The following ANKRD45 variants were observed in gnomAD, a reference collection of about 807,000 sequenced individuals.
ANKRD45 encodes ankyrin repeat domain 45.
ANKRD45 carries 21 observed loss-of-function variants against 28.1 expected under a neutral mutation model. That is an observed-to-expected ratio of 0.75 (90% CI 0.53 to 1.08). ANKRD45 has a LOEUF of 1.08. ANKRD45 is among the 50% of genes least tolerant of loss of function. The probability of loss-of-function intolerance (pLI) is 0.00; values close to 1 mark genes in which losing one functional copy is unlikely to be tolerated. For synonymous variants in ANKRD45, 86 were observed against 103.9 expected (o/e 0.83, Z 1.05); for missense variants, 261 against 308.7 (o/e 0.85, Z 1.16).
upstream of ANKRD45, among the ~76,000 whole-genome samples, chr1:173,674,541 T>C (rs1670349192): frequency 6.6e-6 from 1 of 152,176 alleles, no homozygotes; most frequent in Non-Finnish European, 1.5e-5. Context: ...TTTGGTTTTA[T>C]ACGTTTTAAG....
the ANKRD45 span, among the ~76,000 whole-genome samples, chr1:173,703,786 T>C: frequency 6.6e-6 from 1 of 152,238 alleles, no homozygotes; most frequent in Non-Finnish European, 1.5e-5. Flanking sequence ...CTCAAGCTTT[T>C]TCCCACTCTT....
At chr1:173,636,260 T>C (rs528038015) in intron 3 of ANKRD45, among the ~76,000 whole-genome samples, 7 of 152,166 alleles carry the variant, frequency 4.6e-5, no homozygotes, top group South Asian at 4.1e-4. Context: ...GTACAAAAGG[T>C]GTCATGTAAT....
chr1:173,658,960 C>A, intron 2 of ANKRD45, 131 bp downstream of exon 2: 4 of 1,253,670 alleles, frequency 3.2e-6, no homozygotes, highest in South Asian at 3.3e-5. Context: ...ATACATACAC[C>A]CATATAGATG....
the ANKRD45 span, among the ~76,000 whole-genome samples, chr1:173,697,728 C>A: frequency 6.6e-6 from 1 of 152,156 alleles, no homozygotes; most frequent in African/African-American, 2.4e-5. Flanking sequence ...ATGGTAAAGA[C>A]CATCGATGCT....
intron 4 of ANKRD45, 149 bp from the exon 5 acceptor site, chr1:173,625,074 T>G: frequency 2.9e-6 from 2 of 690,478 alleles, no homozygotes; most frequent in Non-Finnish European, 4.5e-6. Context: ...CCATTAGATA[T>G]AAATAGCTAT....
chr1:173,665,129 A>C (rs962348779), intron 1 of ANKRD45, among the ~76,000 whole-genome samples: 25 of 152,194 alleles, frequency 1.6e-4, no homozygotes, highest in Admixed American at 1.2e-3. Context: ...AGCAAAAGAA[A>C]AGATGGTAAT....
At chr1:173,709,836 T>C in the ANKRD45 span, among the ~76,000 whole-genome samples, 1 of 152,272 alleles carries the variant, frequency 6.6e-6, no homozygotes, top group African/African-American at 2.4e-5. Context: ...CTGCCTATGT[T>C]GCCCAAGCTG....
chr1:173,659,054 C>A, intron 2 of ANKRD45, 37 bp downstream of exon 2: 1 of 1,590,776 alleles, frequency 6.3e-7, no homozygotes, highest in South Asian at 1.1e-5. Context: ...TTTAGGTAGT[C>A]ATAAGTAATA....
the ANKRD45 span, among the ~76,000 whole-genome samples, chr1:173,698,428 ACTC>A: frequency 1.2e-4 from 18 of 152,124 alleles, no homozygotes; most frequent in Non-Finnish European, 2.5e-4. Context: ...GAAGTAAAGC[ACTC>A]CTCAGCAAAT....
At chr1:173,695,538 CT>C in the ANKRD45 span, among the ~76,000 whole-genome samples, 4 of 152,136 alleles carry the variant, frequency 2.6e-5, no homozygotes, top group Admixed American at 2.0e-4. Context: ...TGATATCACT[CT>C]TTCTTATGGT....
intron 3 of ANKRD45, among the ~76,000 whole-genome samples, chr1:173,642,315 C>A (rs1328845948): frequency 3.9e-5 from 6 of 152,168 alleles, no homozygotes; most frequent in African/African-American, 1.4e-4. Flanking sequence ...TTGTCTCTGC[C>A]ACTCTTACAA....
At chr1:173,707,192 A>G in the ANKRD45 span, among the ~76,000 whole-genome samples, 1 of 151,906 alleles carries the variant, frequency 6.6e-6, no homozygotes, top group Non-Finnish European at 1.5e-5. Flanking sequence ...GCTTTATGAT[A>G]TATTAATATA....
the ANKRD45 span, among the ~76,000 whole-genome samples, chr1:173,688,961 G>T: frequency 2.0e-5 from 3 of 152,080 alleles, no homozygotes; most frequent in Non-Finnish European, 2.9e-5. Context: ...CGGGGGGTTG[G>T]GGGGAACAAA....
chr1:173,613,284 C>T lies in ANKRD45; in HGVS notation c.731-3069G>A, dbSNP rs540464044. On this transcript the variant is annotated intron_variant, in intron 5 of 5. Transcript: ENST00000333279. ...GAGGAGCGTCTCTGCCCGGCCGCCC[C>T]GTCTGAGAAGCGAGGAGCCCCTCCG... Among the ~76,000 whole-genome samples, 21 of 151,774 alleles carry T rather than the reference C, an allele frequency of 1.4e-4. No homozygotes were observed. The South Asian group carries it at 1.5e-3, about 11-fold the overall frequency.
At chr1:173,688,748 TTTCTGCCTCTTTC>T in the ANKRD45 span, among the ~76,000 whole-genome samples, 4 of 132,660 alleles carry the variant, frequency 3.0e-5, no homozygotes, top group African/African-American at 1.6e-4. Flanking sequence ...CCTCTCTCTC[TTTCTGCCTCTTTC>T]CTCTCTCTCT....
intron 1 of ANKRD45, chr1:173,667,706 T>A: frequency 5.4e-6 from 2 of 370,926 alleles, no homozygotes; most frequent in South Asian, 4.2e-5. Flanking sequence ...GACCCCATCT[T>A]AAAAAAAAAA....
chr1:173,710,100 G>A, the ANKRD45 span, among the ~76,000 whole-genome samples: 1 of 152,178 alleles, frequency 6.6e-6, no homozygotes, highest in South Asian at 2.1e-4. Flanking sequence ...CAAGGTGAGA[G>A]GATCACTTGA....
chr1:173,615,878 C>T lies in ANKRD45; in HGVS notation c.731-5663G>A, dbSNP rs561185617. On this transcript the variant is annotated intron_variant, in intron 5 of 5. Coordinates refer to ENST00000333279, the MANE Select transcript of ANKRD45 (RefSeq NM_198493.3). ...CAGCACTTTGGGAGGCAGAGGCAGGCGGATCACAAGGTCAAGAGATCAAGA... is the reference window on the plus strand; with the variant it reads ...CAGCACTTTGGGAGGCAGAGGCAGGTGGATCACAAGGTCAAGAGATCAAGA... Among the ~76,000 whole-genome samples the T allele has an allele frequency of 5.9e-5, 9 of 152,124 alleles. No homozygotes were observed. In the East Asian group the frequency reaches 1.4e-3, roughly 23 times the overall value.
At chr1:173,612,166 C>A (rs1324537685) in intron 5 of ANKRD45, among the ~76,000 whole-genome samples, 3 of 151,906 alleles carry the variant, frequency 2.0e-5, no homozygotes, top group Non-Finnish European at 4.4e-5. Context: ...ATTGCTTGGG[C>A]CCAGGGAGGT....
Sources: allele counts gnomAD v4.1 joint callset (sites outside exome capture counted in the v4.1 genomes callset), GRCh38; gene constraint gnomAD v4.1.1; transcripts MANE v1.5; gene names NCBI Gene and HGNC (gene_info 2026-07-23, HGNC 2026-07-21).